CNOT4: variants seen among roughly 807,000 people sequenced by gnomAD.
CNOT4 encodes CCR4-NOT transcription complex subunit 4.
CNOT4 carries 8 observed loss-of-function variants against 73.8 expected under a neutral mutation model. The observed-to-expected ratio is 0.11, with a 90% CI of 0.06 to 0.20. The LOEUF is 0.20. Among genes scored for constraint, CNOT4 ranks in the 10% least tolerant of loss-of-function variants. CNOT4 has a pLI of 1.00. For synonymous variants in CNOT4, 293 were observed against 321.1 expected (o/e 0.91, Z 0.94); for missense variants, 564 against 883.4 (o/e 0.64, Z 4.58).
chr7:135,461,472 T>G (rs994563284), intron 1 of CNOT4, among the ~76,000 whole-genome samples: 1 of 152,014 alleles, frequency 6.6e-6, no homozygotes, highest in Non-Finnish European at 1.5e-5. Context: ...GGAATAAATA[T>G]CATCATCGAA....
intron 1 of CNOT4, among the ~76,000 whole-genome samples, chr7:135,495,702 G>A (rs866491858): frequency 1.0e-3 from 24 of 23,758 alleles, no homozygotes; most frequent in South Asian, 2.3e-3. Flanking sequence ...AAGAAAGAAA[G>A]AAAGAAAGAA....
intron 1 of CNOT4, among the ~76,000 whole-genome samples, chr7:135,502,684 C>T (rs1279943576): frequency 6.7e-6 from 1 of 149,406 alleles, no homozygotes; most frequent in Non-Finnish European, 1.5e-5. Context: ...GGTGTGGTGG[C>T]GGGCGCCTGT....
chr7:135,438,511 A>G lies in CNOT4; in HGVS notation c.-92-88T>C, dbSNP rs147679814. On this transcript the variant is annotated intron_variant, in intron 1 of 11. Transcript: ENST00000541284. ...GAGTCACACTGTCAAAAAATTTGAA[A>G]AATACTGACTGAGCAACTACTGTTA... 3,172 of 419,574 alleles carry G rather than the reference A, an allele frequency of 7.6e-3. 17 individuals are homozygous for G. The highest frequency in any genetic ancestry group is 0.011 in the Non-Finnish European group (2,607 of 243,814). The allele number at this position is 419,574 out of a possible 1,614,324, so 26.0% of individuals were successfully genotyped here.
At chr7:135,490,989 T>G (rs572183469) in intron 1 of CNOT4, among the ~76,000 whole-genome samples, 3 of 152,260 alleles carry the variant, frequency 2.0e-5, no homozygotes, top group South Asian at 2.1e-4. Context: ...GAATGAATGT[T>G]GGATAAGAAG....
chr7:135,504,472 T>TA (rs1388448028), intron 1 of CNOT4, among the ~76,000 whole-genome samples: 1 of 69,526 alleles, frequency 1.4e-5, no homozygotes, highest in Non-Finnish European at 2.9e-5. Flanking sequence ...ATTTTTTTTT[T>TA]TTTTTTTTTT....
intron 1 of CNOT4, 25 bp downstream of exon 1, chr7:135,509,864 T>C: frequency 2.5e-6 from 1 of 394,382 alleles, no homozygotes; most frequent in Non-Finnish European, 4.5e-6. Context: ...GGGTTTCCCC[T>C]AAGCCCAGCC....
In CNOT4 at chr7:135,363,323, T is replaced by C; in HGVS notation, c.1841-137A>G. On this transcript the variant is annotated intron_variant, in intron 11 of 11. Transcript: ENST00000541284. The surrounding 1 kb of genome is among the most constrained non-coding windows in gnomAD (Gnocchi z 4.3). ...TTTTAAACTCCTTCCAAATAAGACC[T>C]TTTAAACCAATCCTCCCCCAACAAC... The C allele has an allele frequency of 8.0e-6, 6 of 753,268 alleles. No individual in the cohort carries two copies. In the South Asian group the frequency reaches 1.1e-4, roughly 14 times the overall value. The allele number at this position is 753,268 out of a possible 1,614,324, so 46.7% of individuals were successfully genotyped here. A position where few individuals can be genotyped will look rare whatever the true frequency, so the allele number is the denominator to read the frequency against.
intron 1 of CNOT4, among the ~76,000 whole-genome samples, chr7:135,466,475 CAAA>C (rs199824747): frequency 2.4e-5 from 2 of 83,458 alleles, no homozygotes; most frequent in Non-Finnish European, 2.7e-5. Context: ...AAGACTGTCT[CAAA>C]AAAAAAAAAA....
At chr7:135,472,071 G>A (rs1320213044) in intron 1 of CNOT4, among the ~76,000 whole-genome samples, 2 of 152,066 alleles carry the variant, frequency 1.3e-5, no homozygotes, top group Non-Finnish European at 2.9e-5. Flanking sequence ...TACTTGGGGG[G>A]CTGAGGCAGG....
intron 1 of CNOT4, among the ~76,000 whole-genome samples, chr7:135,485,118 G>C (rs1433241114): frequency 6.6e-6 from 1 of 152,126 alleles, no homozygotes; most frequent in Non-Finnish European, 1.5e-5. Context: ...CTGTCACCAG[G>C]CTGGAGTGCA....
intron 1 of CNOT4, among the ~76,000 whole-genome samples, chr7:135,464,236 C>T (rs946132678): frequency 5.9e-5 from 9 of 152,058 alleles, no homozygotes; most frequent in South Asian, 2.1e-4. Flanking sequence ...CACATGCACA[C>T]GAATGTTCAC....
Position 135,364,019 on chromosome 7 carries a change from C to T in CNOT4, c.1675G>A (p.Gly559Arg). 3.8e-6 allele frequency: 6 copies of T among 1,597,896 alleles called. No individual in the cohort carries two copies. The highest frequency in any genetic ancestry group is 5.1e-6 in the Non-Finnish European group (6 of 1,179,636). The change falls in exon 11 of 12, where the codon GGG (glycine) becomes AGG (arginine). Residue 559 changes from glycine to arginine, a missense_variant. Transcript: ENST00000541284. The surrounding 1 kb of genome is among the most constrained non-coding windows in gnomAD (Gnocchi z 4.3). ...ESLNMKEWQD[G>R]LRALLPNINI... ...ATGTTGGGTAGAAGTGCCCTTAGCC[C>T]GTCCTGCCATTCCTTCATATTTAAA...
intron 8 of CNOT4, among the ~76,000 whole-genome samples, chr7:135,396,091 G>A (rs1379905284): frequency 1.5e-5 from 2 of 137,462 alleles, no homozygotes; most frequent in African/African-American, 2.7e-5. Flanking sequence ...TGCTTGAAAA[G>A]ATTAAACTAG....
intron 1 of CNOT4, among the ~76,000 whole-genome samples, chr7:135,456,624 T>C (rs1800545262): frequency 6.6e-6 from 1 of 152,154 alleles, no homozygotes; most frequent in South Asian, 2.1e-4. Flanking sequence ...AATGGTTTAC[T>C]ATTTGCATAT....
At chr7:135,451,644 G>A (rs368428831) in intron 1 of CNOT4, among the ~76,000 whole-genome samples, 1 of 152,136 alleles carries the variant, frequency 6.6e-6, no homozygotes, top group East Asian at 1.9e-4. Flanking sequence ...CATATGTATA[G>A]TATAAGCAAA....
chr7:135,462,090 ATGTT>A (rs968290659), intron 1 of CNOT4, among the ~76,000 whole-genome samples: 4 of 152,028 alleles, frequency 2.6e-5, no homozygotes, highest in Non-Finnish European at 4.4e-5. Context: ...GAAGCAAACA[ATGTT>A]TGAACAGAAG....
chr7:135,469,873 G>A (rs1413938527), intron 1 of CNOT4, among the ~76,000 whole-genome samples: 1 of 152,066 alleles, frequency 6.6e-6, no homozygotes, highest in African/African-American at 2.4e-5. Context: ...CCAGGCTGGA[G>A]TGCAGTGGCG....
chr7:135,502,885 G>A (rs1161190813), intron 1 of CNOT4, among the ~76,000 whole-genome samples: 1 of 151,700 alleles, frequency 6.6e-6, no homozygotes, highest in African/African-American at 2.4e-5. Context: ...GGGCACAGTG[G>A]CTCACGTCTG....
At chr7:135,420,382 G>A (rs562065591) in intron 3 of CNOT4, among the ~76,000 whole-genome samples, 2 of 152,028 alleles carry the variant, frequency 1.3e-5, no homozygotes, top group East Asian at 3.9e-4. Flanking sequence ...TTCAAGACCA[G>A]CCTGGGCAAT....
Sources: allele counts gnomAD v4.1 joint callset (sites outside exome capture counted in the v4.1 genomes callset), GRCh38; gene constraint gnomAD v4.1.1; non-coding constraint Gnocchi (gnomAD v3.1); transcripts MANE v1.5; gene names NCBI Gene and HGNC (gene_info 2026-07-23, HGNC 2026-07-21).